Variants in B3GALT1 observed in about 807,000 individuals in gnomAD.
B3GALT1 encodes beta-1,3-galactosyltransferase 1.
Under a neutral mutation model 23.2 loss-of-function variants are expected in B3GALT1, and 10 were observed. The observed-to-expected ratio is 0.43, with a 90% confidence interval of 0.27 to 0.73. The LOEUF (loss-of-function observed/expected upper bound fraction) is 0.73, where lower values mean the gene tolerates loss of function less well. B3GALT1 is among the 30% of genes least tolerant of loss of function. The pLI is 0.21. For missense variants in B3GALT1, 299 were observed against 405.4 expected, an observed-to-expected ratio of 0.74 and a Z score of 2.25; for synonymous variants, 156 against 141.5, an observed-to-expected ratio of 1.10 and a Z score of -0.73.
Position 167,673,588 on chromosome 2 carries a change from C to A in B3GALT1, c.-352+26622C>A, listed in dbSNP as rs146234747. Among the ~76,000 whole-genome samples the A allele has an allele frequency of 2.8e-3, 421 of 151,950 alleles. 3 individuals carry two copies. The highest frequency in any genetic ancestry group is 9.4e-3 in the African/African-American group (391 of 41,488). ...AATAAGATTAGTGTTTGCATACTAC[C>A]TTGCCCATAGTAAACAAATATTTTA... On this transcript the variant is annotated intron_variant, in intron 3 of 4. Coordinates refer to ENST00000392690, the MANE Select transcript of B3GALT1 (RefSeq NM_020981.4).
chr2:167,781,552 G>A (rs1052788048), intron 3 of B3GALT1, among the ~76,000 whole-genome samples: 4 of 152,118 alleles, frequency 2.6e-5, no homozygotes, highest in African/African-American at 9.7e-5. Flanking sequence ...AAGACATAAA[G>A]CATATTAAAA....
chr2:167,625,802 A>G (rs2105442946), intron 2 of B3GALT1, among the ~76,000 whole-genome samples: 2 of 151,270 alleles, frequency 1.3e-5, no homozygotes, highest in South Asian at 4.2e-4. Context: ...CATTGACTGC[A>G]GAATTATATT....
intron 4 of B3GALT1, among the ~76,000 whole-genome samples, chr2:167,851,186 C>T (rs1350188227): frequency 1.6e-5 from 2 of 125,522 alleles, no homozygotes; most frequent in African/African-American, 7.5e-5. Flanking sequence ...GCAATAAAGT[C>T]GTCAAATACA....
In B3GALT1 at chr2:167,719,199, G is replaced by T. The variant is rs541214250; in HGVS notation, c.-352+72233G>T. Reference sequence around the variant, plus strand: ...AGTTTGAAATTATCCCAAGCTTCATGACTATAATTTTCTTTGAGTTTACTC... The same window carrying T: ...AGTTTGAAATTATCCCAAGCTTCATTACTATAATTTTCTTTGAGTTTACTC... On this transcript the variant is annotated intron_variant, in intron 3 of 4. Transcript: ENST00000392690. 8.5e-5 allele frequency among the ~76,000 whole-genome samples: 13 copies of T among 152,222 alleles called. No individual in the cohort carries two copies. In the South Asian group the frequency reaches 2.1e-3, roughly 24 times the overall value.
chr2:167,364,410 T>C (rs1697554293), intron 1 of B3GALT1, among the ~76,000 whole-genome samples: 1 of 151,994 alleles, frequency 6.6e-6, no homozygotes, highest in South Asian at 2.1e-4. Context: ...GTTTGTTACA[T>C]ATGTATACAT....
Position 167,666,269 on chromosome 2 carries a change from A to T in B3GALT1, c.-352+19303A>T, listed in dbSNP as rs750863779. 5.9e-5 allele frequency among the ~76,000 whole-genome samples: 9 copies of T among 152,206 alleles called. 1 individual carries two copies. The South Asian group carries it at 1.0e-3, about 18-fold the overall frequency. On this transcript the variant is annotated intron_variant, in intron 3 of 4. Coordinates refer to ENST00000392690, the MANE Select transcript of B3GALT1 (RefSeq NM_020981.4). Reference sequence around the variant, plus strand: ...ATGTAGTTGAGCGGTTTTGAGTGAGATTCTTAATCCTGAGTTCTAGTTTGA... The same window carrying T: ...ATGTAGTTGAGCGGTTTTGAGTGAGTTTCTTAATCCTGAGTTCTAGTTTGA...
rs189502643 is a variant in B3GALT1, at chr2:167,461,837, A to G, written c.-510-28340A>G. Among the ~76,000 whole-genome samples the G allele has an allele frequency of 6.6e-3, 999 of 152,338 alleles. 7 individuals are homozygous for G. Among genetic ancestry groups the G allele is most frequent in the Non-Finnish European group, 9.6e-3 (651 of 68,032 alleles). On this transcript the variant is annotated intron_variant, in intron 1 of 4. Transcript: ENST00000392690. Reference sequence around the variant, plus strand: ...TTTTATATGTAATGTAGAGAATATAATAGAAAATAGAGTGTAGCAATGTGA... The same window carrying G: ...TTTTATATGTAATGTAGAGAATATAGTAGAAAATAGAGTGTAGCAATGTGA...
chr2:167,662,819 A>G (rs1256717245), intron 3 of B3GALT1, among the ~76,000 whole-genome samples: 7 of 151,988 alleles, frequency 4.6e-5, no homozygotes, highest in Non-Finnish European at 1.0e-4. Context: ...CTTAGAACAT[A>G]CCAATTTTGT....
intron 3 of B3GALT1, among the ~76,000 whole-genome samples, chr2:167,797,143 C>G (rs560803641): frequency 1.1e-4 from 16 of 152,302 alleles, no homozygotes; most frequent in East Asian, 7.7e-4. Flanking sequence ...TATCCCCCAA[C>G]AGGCCCCAGT....
chr2:167,835,219 CA>C (rs1295270034), intron 4 of B3GALT1, among the ~76,000 whole-genome samples: 2 of 152,186 alleles, frequency 1.3e-5, no homozygotes, highest in Non-Finnish European at 2.9e-5. Context: ...CGAGCCGAAG[CA>C]GGGCGAGGCA....
At chr2:167,311,118 A>T (rs1696628778) in intron 1 of B3GALT1, among the ~76,000 whole-genome samples, 1 of 152,134 alleles carries the variant, frequency 6.6e-6, no homozygotes, top group African/African-American at 2.4e-5. Flanking sequence ...TATAGCATTT[A>T]TCATTTTATT....
chr2:167,408,769 C>G (rs1309222854), intron 1 of B3GALT1, among the ~76,000 whole-genome samples: 1 of 139,520 alleles, frequency 7.2e-6, no homozygotes, highest in African/African-American at 2.8e-5. Flanking sequence ...ACCTAGAAAC[C>G]AATCTAACCA....
chr2:167,298,922 G>T (rs1309458611), intron 1 of B3GALT1, among the ~76,000 whole-genome samples: 4 of 151,924 alleles, frequency 2.6e-5, no homozygotes, highest in Non-Finnish European at 5.9e-5. Flanking sequence ...TAACTTGCAT[G>T]GATAATGAGA....
intron 2 of B3GALT1, among the ~76,000 whole-genome samples, chr2:167,521,983 T>TATATATATATATATATATATATACAC (rs1558891584): frequency 1.7e-3 from 177 of 101,796 alleles, no homozygotes; most frequent in Non-Finnish European, 2.5e-3. Flanking sequence ...TGTGTGTGTG[T>TATATATATATATATATATATATACAC]GTATATATAT....
chr2:167,490,817 G>C (rs1699698222), intron 2 of B3GALT1, among the ~76,000 whole-genome samples: 1 of 152,186 alleles, frequency 6.6e-6, no homozygotes, highest in Non-Finnish European at 1.5e-5. Flanking sequence ...TCTGGACTTA[G>C]AGGAGTTTTT....
intron 2 of B3GALT1, among the ~76,000 whole-genome samples, chr2:167,495,410 T>C (rs1699770179): frequency 6.9e-6 from 1 of 145,562 alleles, no homozygotes; most frequent in Non-Finnish European, 1.5e-5. Flanking sequence ...CTCAGCTCAC[T>C]GCAACCTCTG....
chr2:167,637,511 T>G (rs1282703622), intron 2 of B3GALT1, among the ~76,000 whole-genome samples: 2 of 152,038 alleles, frequency 1.3e-5, no homozygotes, highest in Admixed American at 1.3e-4. Context: ...TGGGAAGGTT[T>G]TAAGTCCTCT....
At chr2:167,750,533 A>G (rs1687718564) in intron 3 of B3GALT1, among the ~76,000 whole-genome samples, 1 of 152,126 alleles carries the variant, frequency 6.6e-6, no homozygotes. Flanking sequence ...AGATATCACT[A>G]ATTTGAAAAT....
At chr2:167,300,373 G>A (rs183495385) in intron 1 of B3GALT1, among the ~76,000 whole-genome samples, 1 of 152,082 alleles carries the variant, frequency 6.6e-6, no homozygotes, top group East Asian at 1.9e-4. Context: ...AATACTAAAT[G>A]TATATATATA....
Sources: gnomAD v4.1 joint callset for allele counts (sites outside exome capture counted in the v4.1 genomes callset) on GRCh38, gnomAD v4.1.1 for gene constraint, MANE v1.5 for transcripts, NCBI Gene and HGNC (gene_info 2026-07-23, HGNC 2026-07-21) for gene names.